SEMA6D: variants seen among roughly 807,000 people sequenced by gnomAD.
SEMA6D encodes semaphorin-6D.
SEMA6D carries 35 observed loss-of-function variants against 106.6 expected under a neutral mutation model. The ratio of observed to expected loss-of-function variants is 0.33; its 90% CI spans 0.25 to 0.44. The LOEUF is 0.44. SEMA6D is among the 20% of genes least tolerant of loss of function. The pLI is 1.00. For synonymous variants in SEMA6D, 499 were observed against 487.7 expected (o/e 1.02, Z -0.31); for missense variants, 1,185 against 1,345.9 (o/e 0.88, Z 1.87).
At chr15:47,694,724 T>C (rs1033731880) in intron 4 of SEMA6D, among the ~76,000 whole-genome samples, 2 of 152,148 alleles carry the variant, frequency 1.3e-5, no homozygotes, top group Admixed American at 1.3e-4. Context: ...CATGTGTCTG[T>C]TGTGACCAGT....
intron 1 of SEMA6D, among the ~76,000 whole-genome samples, chr15:47,720,712 T>C (rs560077675): frequency 3.9e-5 from 6 of 152,334 alleles, no homozygotes; most frequent in East Asian, 1.9e-4. Context: ...TAAAGACTTA[T>C]TGAAACTGGA....
intron 1 of SEMA6D, among the ~76,000 whole-genome samples, chr15:47,233,718 TTTG>T (rs1159805353): frequency 2.6e-5 from 4 of 152,078 alleles, no homozygotes; most frequent in Non-Finnish European, 5.9e-5. Context: ...TTTCACATAG[TTTG>T]TTGTTAGCTT....
chr15:47,663,916 G>A (rs2145240540), intron 4 of SEMA6D, among the ~76,000 whole-genome samples: 1 of 152,268 alleles, frequency 6.6e-6, no homozygotes, highest in South Asian at 2.1e-4. Context: ...CAGACTACTA[G>A]GAGCGCTTGT....
chr15:47,556,969 C>T (rs2142557984), intron 3 of SEMA6D, among the ~76,000 whole-genome samples: 1 of 152,258 alleles, frequency 6.6e-6, no homozygotes, highest in African/African-American at 2.4e-5. Context: ...TTGAGTACCT[C>T]ATCACTAAAA....
At chr15:47,638,224 C>A (rs1435754) in intron 4 of SEMA6D, among the ~76,000 whole-genome samples, 1 of 151,862 alleles carries the variant, frequency 6.6e-6, no homozygotes, top group Non-Finnish European at 1.5e-5. Flanking sequence ...ATGATGCTGT[C>A]CAATTTGTTC....
At chr15:47,583,628 A>G (rs2076289386) in intron 3 of SEMA6D, among the ~76,000 whole-genome samples, 1 of 152,124 alleles carries the variant, frequency 6.6e-6, no homozygotes, top group South Asian at 2.1e-4. Flanking sequence ...ATAAACAATG[A>G]CCAGTTATTT....
intron 2 of SEMA6D, among the ~76,000 whole-genome samples, chr15:47,420,078 G>A (rs2041104029): frequency 6.6e-6 from 1 of 152,088 alleles, no homozygotes; most frequent in Non-Finnish European, 1.5e-5. Flanking sequence ...TGAGGAGACT[G>A]TTATCCTTCA....
intron 3 of SEMA6D, among the ~76,000 whole-genome samples, chr15:47,585,891 A>C (rs1052514490): frequency 6.6e-6 from 1 of 152,174 alleles, no homozygotes; most frequent in African/African-American, 2.4e-5. Flanking sequence ...CTGCAGCCCT[A>C]ACCACCAGGC....
At chr15:47,227,115 A>G (rs1195637658) in intron 1 of SEMA6D, among the ~76,000 whole-genome samples, 2 of 152,118 alleles carry the variant, frequency 1.3e-5, no homozygotes, top group Non-Finnish European at 2.9e-5. Flanking sequence ...AGAGGCATAC[A>G]TGCTTGAACA....
At chr15:47,213,039 G>A (rs1391065725) in intron 1 of SEMA6D, among the ~76,000 whole-genome samples, 1 of 148,590 alleles carries the variant, frequency 6.7e-6, no homozygotes, top group Non-Finnish European at 1.5e-5. Context: ...TTCTGGAGAA[G>A]CGCTATCCAA....
At position 47,271,165 on chromosome 15, in the gene SEMA6D, CT is replaced by C. The variant is rs1434824395; in HGVS notation, c.-239+86748del. Among the ~76,000 whole-genome samples, 3 of 152,136 alleles carry C rather than the reference CT, an allele frequency of 2.0e-5. No individual in the cohort carries two copies. In the East Asian group the frequency reaches 5.8e-4, roughly 29 times the overall value. ...CATACACCTCCATGTAATCCAAACT[CT>C]ATTGTGAAAGACAAAAAATGCAGTG... On this transcript the variant is annotated intron_variant, in intron 1 of 19. Coordinates refer to the SEMA6D transcript ENST00000558014.
At chr15:47,702,822 A>G (rs150589343) in intron 4 of SEMA6D, among the ~76,000 whole-genome samples, 497 of 152,318 alleles carry the variant, frequency 3.3e-3, no homozygotes, top group African/African-American at 0.012. Flanking sequence ...AAAACCAGGG[A>G]CACAGTGAAA....
chr15:47,553,851 G>A (rs915742452), intron 3 of SEMA6D, among the ~76,000 whole-genome samples: 1 of 152,126 alleles, frequency 6.6e-6, no homozygotes, highest in African/African-American at 2.4e-5. Flanking sequence ...TATGTTTTTA[G>A]AGAAATATAG....
chr15:47,200,288 G>C (rs1259543270), intron 1 of SEMA6D, among the ~76,000 whole-genome samples: 1 of 152,096 alleles, frequency 6.6e-6, no homozygotes, highest in Non-Finnish European at 1.5e-5. Context: ...TTGGGAAGAA[G>C]ACCAACTATA....
chr15:47,411,145 G>A (rs1051404848), intron 1 of SEMA6D, among the ~76,000 whole-genome samples: 55 of 152,044 alleles, frequency 3.6e-4, no homozygotes, highest in African/African-American at 1.3e-3. Flanking sequence ...GCCCAGGCTG[G>A]AGTGCAGTGG....
intron 2 of SEMA6D, among the ~76,000 whole-genome samples, chr15:47,446,858 A>T (rs1348468682): frequency 1.3e-5 from 2 of 152,144 alleles, no homozygotes; most frequent in Non-Finnish European, 2.9e-5. Flanking sequence ...ACACTTTTAA[A>T]ATGGCCAGCA....
At chr15:47,723,501 G>A (rs570522819) in intron 1 of SEMA6D, among the ~76,000 whole-genome samples, 3 of 152,162 alleles carry the variant, frequency 2.0e-5, no homozygotes, top group Non-Finnish European at 2.9e-5. Flanking sequence ...GGCCCCATCA[G>A]CAAAGACAGT....
At chr15:47,749,574 G>A (rs1475905232) in intron 1 of SEMA6D, among the ~76,000 whole-genome samples, 1 of 152,192 alleles carries the variant, frequency 6.6e-6, no homozygotes, top group East Asian at 1.9e-4. Flanking sequence ...TGGAAGCCAG[G>A]TACTCCAAGC....
In SEMA6D at chr15:47,458,079, G is replaced by A. The variant is rs118148212; in HGVS notation, c.-158-12395G>A. On this transcript the variant is annotated intron_variant, in intron 2 of 19. Transcript: ENST00000558014. ...TCTCTCAAAACCAAAATAAAAATAC[G>A]AAATGTTTCAGACAAACAAGAGCTG... Among the ~76,000 whole-genome samples, 1,088 of 151,876 alleles carry A rather than the reference G, an allele frequency of 7.2e-3. 5 individuals are homozygous for A. The highest frequency in any genetic ancestry group is 0.014 in the Middle Eastern group (4 of 294).
Sources: allele counts gnomAD v4.1 joint callset (sites outside exome capture counted in the v4.1 genomes callset), GRCh38; gene constraint gnomAD v4.1.1; transcripts MANE v1.5; gene names NCBI Gene and HGNC (gene_info 2026-07-23, HGNC 2026-07-21).